The following EZR variants were observed in gnomAD, a reference collection of about 807,000 sequenced individuals.
EZR encodes the protein ezrin.
EZR carries 40 observed loss-of-function variants against 74.8 expected under a neutral mutation model. That is an observed-to-expected ratio of 0.53 (90% CI 0.42 to 0.70). The LOEUF is 0.70. Among genes scored for constraint, EZR ranks in the 30% least tolerant of loss-of-function variants. EZR has a pLI of 0.00. For missense variants in EZR, 678 were observed against 755.8 expected (o/e 0.90, Z 1.21); for synonymous variants, 341 against 283.3 (o/e 1.20, Z -2.05).
intron 5 of EZR, 92 bp from the exon 6 acceptor site, chr6:158,784,819 T>G: frequency 9.9e-7 from 1 of 1,013,712 alleles, no homozygotes; most frequent in Non-Finnish European, 1.5e-6. Flanking sequence ...AAACCCTTAC[T>G]TTCCATTCAA....
intron 11 of EZR, 140 bp from the exon 12 acceptor site, chr6:158,769,558 G>A (rs1053464671): frequency 9.6e-7 from 1 of 1,043,578 alleles, no homozygotes. Flanking sequence ...ATGGCCAGCA[G>A]GGTCCATTGT....
intron 7 of EZR, among the ~76,000 whole-genome samples, chr6:158,780,600 T>C (rs551245850): frequency 1.3e-5 from 2 of 152,294 alleles, no homozygotes; most frequent in East Asian, 3.9e-4. Context: ...CCCTTTAAGG[T>C]GGAAGCCCTG....
At chr6:158,807,655 G>C (rs1777372112) in intron 2 of EZR, among the ~76,000 whole-genome samples, 1 of 152,182 alleles carries the variant, frequency 6.6e-6, no homozygotes, top group Admixed American at 6.5e-5. Context: ...AGTCAGTAAA[G>C]AATGAAAGTT....
chr6:158,804,303 T>G (rs1240787310), intron 2 of EZR, among the ~76,000 whole-genome samples: 3 of 152,198 alleles, frequency 2.0e-5, no homozygotes, highest in African/African-American at 4.8e-5. Context: ...AATCAAAGGA[T>G]GTTACATTCA....
At chr6:158,773,864 G>GA (rs1437051224) in intron 8 of EZR, among the ~76,000 whole-genome samples, 12 of 152,230 alleles carry the variant, frequency 7.9e-5, no homozygotes, top group Admixed American at 6.5e-5. Flanking sequence ...TTTTGAAAGG[G>GA]AAAAGGCAGC....
At chr6:158,819,089 G>A (rs1417077155) in intron 1 of EZR, among the ~76,000 whole-genome samples, 1 of 152,058 alleles carries the variant, frequency 6.6e-6, no homozygotes, top group African/African-American at 2.4e-5. Context: ...CCCAGGCTCC[G>A]CGTTTCCTTC....
chr6:158,779,072 C>T (rs910759654), intron 7 of EZR, among the ~76,000 whole-genome samples: 9 of 152,108 alleles, frequency 5.9e-5, no homozygotes, highest in Non-Finnish European at 1.2e-4. Context: ...AGTGGAGAAA[C>T]GTGGCAGACA....
intron 2 of EZR, among the ~76,000 whole-genome samples, chr6:158,796,842 A>G (rs1777082870): frequency 5.3e-5 from 8 of 152,316 alleles, no homozygotes; most frequent in Admixed American, 4.6e-4. Context: ...ATCCCAGGGA[A>G]CTAGGATTTT....
At chr6:158,792,814 C>CA (rs571823556) in intron 2 of EZR, among the ~76,000 whole-genome samples, 32,493 of 131,106 alleles carry the variant, frequency 0.25, 4,278 homozygotes, top group Non-Finnish European at 0.27. Flanking sequence ...GACTCCATCT[C>CA]AAAAAAAAAA....
chr6:158,798,357 A>G (rs1777117557), intron 2 of EZR, among the ~76,000 whole-genome samples: 1 of 152,246 alleles, frequency 6.6e-6, no homozygotes, highest in Non-Finnish European at 1.5e-5. Flanking sequence ...AAACAAAATG[A>G]ATTTTTAAAA....
intron 2 of EZR, among the ~76,000 whole-genome samples, chr6:158,802,534 T>A (rs1016413360): frequency 3.9e-5 from 6 of 152,160 alleles, no homozygotes; most frequent in Non-Finnish European, 7.4e-5. Context: ...GGTGGTAGTG[T>A]TTTGTTTGTT....
At chr6:158,767,620 G>A (rs772521899) in intron 12 of EZR, 108 bp from the exon 13 acceptor site, 2 of 1,242,752 alleles carry the variant, frequency 1.6e-6, no homozygotes, top group Non-Finnish European at 2.2e-6. Context: ...AGGCAGCACT[G>A]AACTGTGCTG....
At chr6:158,787,068 C>T (rs1347684291) in intron 4 of EZR, 40 bp downstream of exon 4, 2 of 1,513,794 alleles carry the variant, frequency 1.3e-6, no homozygotes, top group Admixed American at 3.4e-5. Context: ...AGCAGACCAA[C>T]ACCCAATCCA....
At chr6:158,782,288 G>C (rs1356478673) in intron 7 of EZR, among the ~76,000 whole-genome samples, 1 of 152,196 alleles carries the variant, frequency 6.6e-6, no homozygotes, top group Non-Finnish European at 1.5e-5. Context: ...GGGTCTGGCA[G>C]GAATCCGCGT....
At chr6:158,809,008 G>A (rs906777745) in intron 2 of EZR, among the ~76,000 whole-genome samples, 3 of 152,142 alleles carry the variant, frequency 2.0e-5, no homozygotes, top group Non-Finnish European at 2.9e-5. Context: ...GGTAGTGAGC[G>A]CCTGCGGTCC....
At chr6:158,775,622 T>C (rs1306753910) in intron 8 of EZR, among the ~76,000 whole-genome samples, 2 of 152,196 alleles carry the variant, frequency 1.3e-5, no homozygotes, top group African/African-American at 4.8e-5. Context: ...TTTCGTAAAA[T>C]TCAGAACAGG....
Position 158,787,222 on chromosome 6 carries a change from G to C in EZR, c.97-19C>G, listed in dbSNP as rs1791607808. 1 of 1,593,338 alleles carries C rather than the reference G, an allele frequency of 6.3e-7. No homozygotes were observed. The highest frequency in any genetic ancestry group is 1.7e-5 in the Admixed American group (1 of 59,818). ...TTACCACCTGCGTGAGAGAGAGAGA[G>C]GCTCAACACTCATGAGAAACTCACT... On this transcript the variant is annotated intron_variant, in intron 3 of 13. Transcript: ENST00000367075.
At chr6:158,785,208 C>T (rs570420297) in intron 5 of EZR, 101 bp downstream of exon 5, 15 of 1,446,016 alleles carry the variant, frequency 1.0e-5, no homozygotes, top group Non-Finnish European at 1.2e-5. Flanking sequence ...TTGACACTGG[C>T]GAAGTCCTTG....
At chr6:158,811,893 A>G (rs1054808423) in intron 2 of EZR, among the ~76,000 whole-genome samples, 1 of 133,216 alleles carries the variant, frequency 7.5e-6, no homozygotes, top group Non-Finnish European at 1.7e-5. Flanking sequence ...AAAAATTCAC[A>G]TTATTTCATT....
Sources: gnomAD v4.1 joint callset for allele counts (sites outside exome capture counted in the v4.1 genomes callset) on GRCh38, gnomAD v4.1.1 for gene constraint, MANE v1.5 for transcripts, NCBI Gene and HGNC (gene_info 2026-07-23, HGNC 2026-07-21) for gene names.